Variants in KCNMB2 observed in about 807,000 individuals in gnomAD.
KCNMB2 encodes the protein potassium calcium-activated channel subfamily M regulatory beta subunit 2, also known as calcium-activated potassium channel subunit beta-2.
In KCNMB2, 9 loss-of-function variants were observed where a neutral mutation model predicts 24.5. That is an observed-to-expected ratio of 0.37 (90% CI 0.22 to 0.64). The LOEUF is 0.64. KCNMB2 is among the 30% of genes least tolerant of loss of function. The pLI is 0.63. For synonymous variants in KCNMB2, 109 were observed against 104.4 expected, an observed-to-expected ratio of 1.04 and a Z score of -0.27; for missense variants, 226 against 284.3, an observed-to-expected ratio of 0.79 and a Z score of 1.47.
intron 1 of KCNMB2, among the ~76,000 whole-genome samples, chr3:178,544,007 G>C (rs1391426943): frequency 6.6e-6 from 1 of 152,092 alleles, no homozygotes; most frequent in Non-Finnish European, 1.5e-5. Context: ...TCTCTGAAAG[G>C]TTAAGGACTA....
intron 1 of KCNMB2, among the ~76,000 whole-genome samples, chr3:178,581,018 C>A (rs1259744321): frequency 6.6e-6 from 1 of 152,006 alleles, no homozygotes; most frequent in African/African-American, 2.4e-5. Context: ...AAAAAACTAC[C>A]TTAAAGTTCA....
At chr3:178,667,803 CCTAA>C (rs1720771076) in intron 1 of KCNMB2, among the ~76,000 whole-genome samples, 2 of 152,126 alleles carry the variant, frequency 1.3e-5, no homozygotes, top group African/African-American at 4.8e-5. Context: ...GACTCTGCCC[CCTAA>C]AGCCCCACTC....
At chr3:178,802,982 G>T (rs1210025141) in intron 1 of KCNMB2, among the ~76,000 whole-genome samples, 1 of 151,930 alleles carries the variant, frequency 6.6e-6, no homozygotes, top group Non-Finnish European at 1.5e-5. Context: ...TTAATAACGG[G>T]GTGAAAAAAG....
At chr3:178,813,426 T>C (rs1714274035) in intron 2 of KCNMB2, among the ~76,000 whole-genome samples, 1 of 152,242 alleles carries the variant, frequency 6.6e-6, no homozygotes, top group East Asian at 1.9e-4. Context: ...TATGTGTTTT[T>C]ACTGCTGATG....
chr3:178,608,353 A>G (rs1256775547), intron 1 of KCNMB2, among the ~76,000 whole-genome samples: 1 of 151,958 alleles, frequency 6.6e-6, no homozygotes, highest in African/African-American at 2.4e-5. Flanking sequence ...CTGTCCTAAA[A>G]TATACATAGG....
intron 1 of KCNMB2, among the ~76,000 whole-genome samples, chr3:178,546,109 T>G (rs1715764141): frequency 6.6e-6 from 1 of 152,212 alleles, no homozygotes; most frequent in Non-Finnish European, 1.5e-5. Flanking sequence ...ATAAAGTTTA[T>G]GTACAAAGGA....
intron 1 of KCNMB2, among the ~76,000 whole-genome samples, chr3:178,563,065 A>T (rs1716381285): frequency 6.6e-6 from 1 of 152,232 alleles, no homozygotes; most frequent in South Asian, 2.1e-4. Context: ...ATACGAAATA[A>T]CTCACAACTG....
At chr3:178,574,666 G>A (rs879257314) in intron 1 of KCNMB2, among the ~76,000 whole-genome samples, 8 of 152,158 alleles carry the variant, frequency 5.3e-5, no homozygotes, top group Non-Finnish European at 1.0e-4. Flanking sequence ...GCTTTAATCA[G>A]GGTGGAAGTG....
At chr3:178,793,986 G>A (rs1577193460) in intron 1 of KCNMB2, among the ~76,000 whole-genome samples, 1 of 152,234 alleles carries the variant, frequency 6.6e-6, no homozygotes, top group East Asian at 1.9e-4. Flanking sequence ...ACTTCAAAGG[G>A]TTCATTAGTG....
chr3:178,727,620 C>T (rs1282611935), intron 1 of KCNMB2, among the ~76,000 whole-genome samples: 4 of 152,044 alleles, frequency 2.6e-5, no homozygotes, highest in African/African-American at 4.8e-5. Context: ...AGAGATGCAA[C>T]ATTGCTGGCT....
At chr3:178,818,206 A>T (rs903626364) in intron 2 of KCNMB2, among the ~76,000 whole-genome samples, 2 of 152,110 alleles carry the variant, frequency 1.3e-5, no homozygotes, top group African/African-American at 2.4e-5. Context: ...AGTCTCATTA[A>T]AACCCATAGT....
intron 1 of KCNMB2, among the ~76,000 whole-genome samples, chr3:178,657,367 A>G (rs1720382624): frequency 6.6e-6 from 1 of 152,226 alleles, no homozygotes; most frequent in Non-Finnish European, 1.5e-5. Flanking sequence ...TGCTCTCAGC[A>G]TAAGGCTCAG....
rs559169585 is a variant in KCNMB2, at chr3:178,789,801, C to A, written c.-67-17542C>A. ...ACTGTGGGAAAAAGTCCTCTAAGGT[C>A]CTAAATAAACTTGAAAGGCAGCCTA... On this transcript the variant is annotated intron_variant, in intron 1 of 4. Coordinates refer to ENST00000452583, the MANE Select transcript of KCNMB2 (RefSeq NM_181361.3). Among the ~76,000 whole-genome samples the A allele has an allele frequency of 6.1e-4, 93 of 152,112 alleles. No homozygotes were observed. The Middle Eastern group carries it at 0.014, about 22-fold the overall frequency.
At chr3:178,834,806 C>T (rs1292530168) in intron 4 of KCNMB2, among the ~76,000 whole-genome samples, 1 of 152,040 alleles carries the variant, frequency 6.6e-6, no homozygotes, top group African/African-American at 2.4e-5. Flanking sequence ...AGTTTAGTCA[C>T]TCCTTACCAA....
At chr3:178,693,292 T>C (rs895686844) in intron 1 of KCNMB2, among the ~76,000 whole-genome samples, 4 of 152,214 alleles carry the variant, frequency 2.6e-5, no homozygotes, top group African/African-American at 4.8e-5. Flanking sequence ...CTATTTTGAA[T>C]AGGAGCAGTG....
In KCNMB2 at chr3:178,743,776, G is replaced by A. The variant is rs373381938; in HGVS notation, c.-67-63567G>A. Among the ~76,000 whole-genome samples, 252 of 152,304 alleles carry A rather than the reference G, an allele frequency of 1.7e-3. 8 individuals are homozygous for A. The South Asian group carries it at 0.049, about 30-fold the overall frequency. ...TACTTCTATCTCTGGAGCTCATGGC[G>A]CTATAAGCTCCAGCATTAAATTTTA... On this transcript the variant is annotated intron_variant, in intron 1 of 4. Transcript: ENST00000452583.
rs1357458964 is a variant in KCNMB2 at position 178,780,949 on chromosome 3, G to T, written c.-67-26394G>T. Among the ~76,000 whole-genome samples the T allele has an allele frequency of 2.6e-5, 4 of 152,174 alleles. No homozygotes were observed. In the East Asian group the frequency reaches 7.7e-4, roughly 29 times the overall value. On this transcript the variant is annotated intron_variant, in intron 1 of 4. Coordinates refer to ENST00000452583, the MANE Select transcript of KCNMB2 (RefSeq NM_181361.3). The stretch of plus-strand genomic sequence containing the variant: ...AAACAGTGCAAAACAGTAGCCACTA[G>T]CCACAGGTGACTACTGAGCACTCCA...
rs547758399 is a variant in KCNMB2 at position 178,651,861 on chromosome 3, T to C, written c.-68+115150T>C. On this transcript the variant is annotated intron_variant, in intron 1 of 4. Coordinates refer to ENST00000452583, the MANE Select transcript of KCNMB2 (RefSeq NM_181361.3). ...AATAAACAGTGTTGGGAAAACTGGC[T>C]AGCCATATGCAGAAAGCTGAAACTG... is the stretch of plus-strand genomic sequence containing the variant. Among the ~76,000 whole-genome samples the C allele has an allele frequency of 4.6e-5, 7 of 152,332 alleles. No individual in the cohort carries two copies. In the South Asian group the frequency reaches 1.2e-3, roughly 27 times the overall value.
At chr3:178,631,580 T>C (rs143720822) in intron 1 of KCNMB2, among the ~76,000 whole-genome samples, 13 of 152,326 alleles carry the variant, frequency 8.5e-5, no homozygotes, top group African/African-American at 2.9e-4. Flanking sequence ...GGCAGATGGA[T>C]GAATGGATTA....
Sources: allele counts gnomAD v4.1 joint callset (sites outside exome capture counted in the v4.1 genomes callset), GRCh38; gene constraint gnomAD v4.1.1; transcripts MANE v1.5; gene names NCBI Gene and HGNC (gene_info 2026-07-23, HGNC 2026-07-21).